SLC1A4: variants seen among roughly 807,000 people sequenced by gnomAD.
SLC1A4 encodes the protein neutral amino acid transporter A.
In SLC1A4, 19 loss-of-function variants were observed where a neutral mutation model predicts 37.7. That is an observed-to-expected ratio of 0.50 (90% CI 0.35 to 0.74). The LOEUF (loss-of-function observed/expected upper bound fraction) is 0.74, where lower values mean the gene tolerates loss of function less well. Among genes scored for constraint, SLC1A4 ranks in the 30% least tolerant of loss-of-function variants. SLC1A4 has a pLI of 0.01. For missense variants in SLC1A4, 570 were observed against 712.9 expected, an observed-to-expected ratio of 0.80 and a Z score of 2.28; for synonymous variants, 299 against 309.8, an observed-to-expected ratio of 0.97 and a Z score of 0.37.
chr2:64,996,955 G>A (rs913589202), intron 1 of SLC1A4, among the ~76,000 whole-genome samples: 1 of 152,202 alleles, frequency 6.6e-6, no homozygotes, highest in African/African-American at 2.4e-5. Flanking sequence ...CGGATTAGAA[G>A]AGAGCTCAGG....
chr2:64,993,376 T>C (rs1673134460), intron 1 of SLC1A4, among the ~76,000 whole-genome samples: 1 of 152,216 alleles, frequency 6.6e-6, no homozygotes, highest in Admixed American at 6.5e-5. Flanking sequence ...ATATGTTTTT[T>C]TAAAATTCAG....
Position 65,022,413 on chromosome 2 carries a change from C to T in SLC1A4, c.*1267C>T, listed in dbSNP as rs1163301779. On this transcript the variant is annotated 3_prime_UTR_variant, in exon 8 of 8. Transcript: ENST00000234256. ...TAACAGGTCCTGGGGCCTCACTTTA[C>T]CCCATTTGTAAAATGGGGCTAATGT... 6.6e-6 allele frequency: 1 copy of T among 152,230 alleles called. No homozygotes were observed. The highest frequency in any genetic ancestry group is 1.5e-5 in the Non-Finnish European group (1 of 68,058). The allele number at this position is 152,230 out of a possible 1,614,324, so 9.4% of individuals were successfully genotyped here.
At chr2:65,004,145 G>T (rs1673585787) in intron 3 of SLC1A4, 130 bp downstream of exon 3, 6 of 722,658 alleles carry the variant, frequency 8.3e-6, no homozygotes, top group Non-Finnish European at 1.4e-5. Context: ...AACAGGTTAG[G>T]TTTGCTCCTT....
At position 65,016,304 on chromosome 2, in the gene SLC1A4, TC is replaced by T. The variant is rs1674129238; in HGVS notation, c.801-135del. On this transcript the variant is annotated intron_variant, in intron 4 of 7. Coordinates refer to ENST00000234256, the MANE Select transcript of SLC1A4 (RefSeq NM_003038.5). ...TGGGGATGGTATAACCCTGACTGTT[TC>T]GGTTCCTCGGGGTTATCCTAGGGAG... The T allele has an allele frequency of 2.8e-5, 20 of 705,418 alleles. No individual in the cohort carries two copies. The East Asian group carries it at 5.1e-4, about 18-fold the overall frequency. The allele number at this position is 705,418 out of a possible 1,614,324, so 43.7% of individuals were successfully genotyped here.
At position 64,989,985 on chromosome 2, in the gene SLC1A4, C is replaced by T. The variant is rs936833762; in HGVS notation, c.342C>T (p.Gly114=). ...ATGCCAGCTGCCTCGGGCGTCTGGG[C>T]GGCATCGCTGTCGCCTACTTTGGCC... ...SLDASCLGRL[G]GIAVAYFGLT... The change falls in exon 1 of 8, where the codon GGC becomes GGT. Residue 114 remains glycine (G), a synonymous_variant. Coordinates refer to ENST00000234256, the MANE Select transcript of SLC1A4 (RefSeq NM_003038.5). 5 of 1,587,116 alleles carry T rather than the reference C, an allele frequency of 3.2e-6. No homozygotes were observed. The highest frequency in any genetic ancestry group is 2.3e-5 in the East Asian group (1 of 43,498).
chr2:65,017,941 CT>C, intron 5 of SLC1A4, 129 bp from the exon 6 acceptor site: 1 of 733,928 alleles, frequency 1.4e-6, no homozygotes, highest in African/African-American at 1.7e-5. Flanking sequence ...TGTTTTTTCC[CT>C]TATTTCAAGA....
At chr2:64,998,401 A>G (rs1011635715) in intron 1 of SLC1A4, among the ~76,000 whole-genome samples, 3 of 151,826 alleles carry the variant, frequency 2.0e-5, no homozygotes, top group African/African-American at 7.3e-5. Context: ...CCTGGGCAAC[A>G]AAGTGAGACT....
chr2:65,000,071 A>C (rs1572949303), intron 1 of SLC1A4: 1 of 152,350 alleles, frequency 6.6e-6, no homozygotes, highest in East Asian at 1.9e-4. Context: ...TGAGCAACCC[A>C]GCTTCTTACA....
intron 3 of SLC1A4, among the ~76,000 whole-genome samples, chr2:65,008,663 C>G (rs1231933754): frequency 2.0e-5 from 3 of 152,078 alleles, no homozygotes; most frequent in Non-Finnish European, 4.4e-5. Context: ...TAAATAAAAA[C>G]AGTCGTCTTA....
At chr2:65,006,888 TAGAC>T (rs1193291585) in intron 3 of SLC1A4, among the ~76,000 whole-genome samples, 1 of 152,174 alleles carries the variant, frequency 6.6e-6, no homozygotes, top group Non-Finnish European at 1.5e-5. Context: ...TACTGTACTC[TAGAC>T]AGCAACAGAG....
chr2:65,017,363 C>A (rs890112702), intron 5 of SLC1A4, among the ~76,000 whole-genome samples: 13 of 146,586 alleles, frequency 8.9e-5, no homozygotes, highest in Admixed American at 5.4e-4. Context: ...AAAAAAAAAA[C>A]ACTGGGTTTT....
chr2:65,017,759 T>G (rs1292541641), intron 5 of SLC1A4, among the ~76,000 whole-genome samples: 1 of 152,158 alleles, frequency 6.6e-6, no homozygotes, highest in Non-Finnish European at 1.5e-5. Context: ...GAGAAACTAG[T>G]TGTTTGTTCT....
chr2:64,996,701 G>T (rs940212314), intron 1 of SLC1A4, among the ~76,000 whole-genome samples: 8 of 152,194 alleles, frequency 5.3e-5, no homozygotes, highest in African/African-American at 1.9e-4. Context: ...ACAAATGCAG[G>T]CATTTCAGTT....
intron 1 of SLC1A4, among the ~76,000 whole-genome samples, chr2:64,997,563 T>C (rs1193390652): frequency 6.6e-6 from 1 of 152,206 alleles, no homozygotes; most frequent in Non-Finnish European, 1.5e-5. Context: ...ACAGAATCAT[T>C]CAGTATGCAC....
rs753297760 is a variant in SLC1A4 at position 65,010,771 on chromosome 2, C to T, written c.800+8C>T. 6.8e-6 allele frequency: 11 copies of T among 1,606,354 alleles called. No homozygotes were observed. The highest frequency in any genetic ancestry group is 8.5e-6 in the Non-Finnish European group (10 of 1,176,866). On this transcript the variant is annotated splice_region_variant and intron_variant, in intron 4 of 7. Transcript: ENST00000234256. ...GGTGTCCTGGATTATGTGGTGAGTG[C>T]TGCTTTGCTGCCTACTCTCTCTCTC...
intron 1 of SLC1A4, among the ~76,000 whole-genome samples, chr2:64,998,129 C>T (rs1038193923): frequency 3.9e-5 from 6 of 152,142 alleles, no homozygotes; most frequent in South Asian, 2.1e-4. Flanking sequence ...CCCAGCTACT[C>T]GGGAGACTGA....
chr2:64,990,310 A>G, intron 1 of SLC1A4, 140 bp downstream of exon 1: 1 of 902,294 alleles, frequency 1.1e-6, no homozygotes, highest in Non-Finnish European at 1.6e-6. Flanking sequence ...TTTTAAAAAT[A>G]TCAAAATGAC....
chr2:65,008,225 C>T (rs1391058357), intron 3 of SLC1A4, among the ~76,000 whole-genome samples: 1 of 152,174 alleles, frequency 6.6e-6, no homozygotes, highest in Non-Finnish European at 1.5e-5. Flanking sequence ...TCATAGAATC[C>T]TAGTAGGCCA....
At position 65,020,911 on chromosome 2, in the gene SLC1A4, G is replaced by A; in HGVS notation, c.1365-1G>A. ...ATAGCTGCCTCTTCTTTTCCCACCA[G>A]GGACCGGACCACCACGGTGGTGAAT... is the stretch of plus-strand genomic sequence containing the variant. On this transcript the variant is annotated splice_acceptor_variant, in intron 7 of 7. Coordinates refer to ENST00000234256, the MANE Select transcript of SLC1A4 (RefSeq NM_003038.5). LOFTEE classifies it high-confidence loss of function. 1 of 1,613,458 alleles carries A rather than the reference G, an allele frequency of 6.2e-7. No individual in the cohort carries two copies.
Sources: gnomAD v4.1 joint callset for allele counts (sites outside exome capture counted in the v4.1 genomes callset) on GRCh38, gnomAD v4.1.1 for gene constraint, MANE v1.5 for transcripts, NCBI Gene and HGNC (gene_info 2026-07-23, HGNC 2026-07-21) for gene names.